The following NUDT3 variants were observed in gnomAD, a reference collection of about 807,000 sequenced individuals.
NUDT3 encodes nudix hydrolase 3.
A neutral mutation model predicts 23.6 loss-of-function variants in NUDT3; 9 were observed. The observed-to-expected ratio is 0.38, with a 90% CI of 0.23 to 0.66. The LOEUF (loss-of-function observed/expected upper bound fraction) is 0.66. Among genes scored for constraint, NUDT3 ranks in the 30% least tolerant of loss-of-function variants. NUDT3 has a pLI of 0.52. For synonymous variants in NUDT3, 86 were observed against 82.6 expected (o/e 1.04, Z -0.22); for missense variants, 172 against 218.5 (o/e 0.79, Z 1.34).
chr6:34,297,548 TTG>T (rs1561898809), intron 2 of NUDT3, among the ~76,000 whole-genome samples: 3 of 139,668 alleles, frequency 2.1e-5, no homozygotes, highest in Non-Finnish European at 3.1e-5. Flanking sequence ...AGAAAAGTCA[TTG>T]TTTTTTTTTT....
intron 2 of NUDT3, among the ~76,000 whole-genome samples, chr6:34,337,434 G>A (rs1358204590): frequency 2.0e-5 from 3 of 152,168 alleles, no homozygotes; most frequent in East Asian, 1.9e-4. Context: ...AACATGAGGA[G>A]TGTAGTTTAA....
rs1458628742 is a variant in NUDT3 at position 34,283,712 on chromosome 6, C to T, written c.*5041G>A. ...GGCAGGGTTTGTGAAAGGCTGCTGG[C>T]CTCCAAAGGAGAGTATGCCTAAACT... On this transcript the variant is annotated 3_prime_UTR_variant, in exon 5 of 5. Transcript: ENST00000607016. 6.6e-6 allele frequency: 1 copy of T among 152,204 alleles called. No individual in the cohort carries two copies. The highest frequency in any genetic ancestry group is 1.9e-4 in the East Asian group (1 of 5,196). 9.4% of individuals were successfully genotyped at this position (152,204 alleles called of 1,614,324 possible).
intron 2 of NUDT3, among the ~76,000 whole-genome samples, chr6:34,311,318 CAT>C (rs1236597772): frequency 2.6e-5 from 4 of 152,056 alleles, no homozygotes. Flanking sequence ...AAATTAAAAA[CAT>C]ATCATTTAAT....
At chr6:34,385,497 TGTTAA>T (rs1259877614) in intron 1 of NUDT3, among the ~76,000 whole-genome samples, 1 of 152,164 alleles carries the variant, frequency 6.6e-6, no homozygotes, top group Admixed American at 6.5e-5. Context: ...TTGTTTGAAT[TGTTAA>T]GTTGTCTTTC....
At position 34,348,112 on chromosome 6, in the gene NUDT3, C is replaced by CAAAACA. The variant is rs1249729515; in HGVS notation, c.100-6146_100-6141dup. 2.6e-5 allele frequency among the ~76,000 whole-genome samples: 4 copies of CAAAACA among 151,664 alleles called. No homozygotes were observed. The East Asian group carries it at 5.8e-4, about 22-fold the overall frequency. ...TCAGGAGTTCAAGACCCCGTCTCTA[C>CAAAACA]AAAACAAAAACAAAAACAAAAAAAT... On this transcript the variant is annotated intron_variant, in intron 1 of 4. Coordinates refer to ENST00000607016, the MANE Select transcript of NUDT3 (RefSeq NM_006703.4).
Position 34,373,924 on chromosome 6 carries a change from C to T in NUDT3, c.99+18340G>A, listed in dbSNP as rs1264932604. Among the ~76,000 whole-genome samples, 7 of 152,084 alleles carry T rather than the reference C, an allele frequency of 4.6e-5. No homozygotes were observed. In the East Asian group the frequency reaches 7.7e-4, roughly 17 times the overall value. On this transcript the variant is annotated intron_variant, in intron 1 of 4. Coordinates refer to ENST00000607016, the MANE Select transcript of NUDT3 (RefSeq NM_006703.4). The stretch of plus-strand genomic sequence containing the variant: ...ATCCCAGCACTTTGGGAGGCCAAGG[C>T]GGGCGGATCATCTGAGGTCAGGAGT...
chr6:34,349,446 G>A (rs1258233059), intron 1 of NUDT3, among the ~76,000 whole-genome samples: 1 of 150,586 alleles, frequency 6.6e-6, no homozygotes, highest in African/African-American at 2.5e-5. Flanking sequence ...GAACCACAGG[G>A]AGGAGTTGTG....
intron 1 of NUDT3, among the ~76,000 whole-genome samples, chr6:34,358,258 TACACACACACAC>T (rs71538235): frequency 2.6e-4 from 37 of 144,696 alleles, no homozygotes; most frequent in Admixed American, 9.0e-4. Flanking sequence ...ATGAGTAGTT[TACACACACACAC>T]ACACACACAC....
At chr6:34,328,622 A>C (rs1354212964) in intron 2 of NUDT3, among the ~76,000 whole-genome samples, 1 of 152,112 alleles carries the variant, frequency 6.6e-6, no homozygotes, top group African/African-American at 2.4e-5. Context: ...GCTAGGCTCA[A>C]GCAATCCTCC....
At chr6:34,370,415 A>C (rs1356408935) in intron 1 of NUDT3, among the ~76,000 whole-genome samples, 1 of 152,192 alleles carries the variant, frequency 6.6e-6, no homozygotes, top group Non-Finnish European at 1.5e-5. Flanking sequence ...TTCAGCGTTC[A>C]AGGCAGATGA....
At position 34,331,288 on chromosome 6, in the gene NUDT3, C is replaced by CT. The variant is rs537474751; in HGVS notation, c.210+10573dup. 2.5e-3 allele frequency among the ~76,000 whole-genome samples: 353 copies of CT among 138,654 alleles called. 1 individual carries two copies. The highest frequency in any genetic ancestry group is 0.012 in the Middle Eastern group (3 of 256). The allele number at this position is 138,654 out of a possible 152,430, so 91.0% of individuals were successfully genotyped here. A position where few individuals can be genotyped will look rare whatever the true frequency, so the allele number is the denominator to read the frequency against. ...TAAGGTATTTAGACTTTCAAACTTT[C>CT]TTTTTTTTTTTTTTTTCCAAACTTT... On this transcript the variant is annotated intron_variant, in intron 2 of 4. Transcript: ENST00000607016.
At chr6:34,382,068 ATC>A (rs1765028091) in intron 1 of NUDT3, among the ~76,000 whole-genome samples, 1 of 113,416 alleles carries the variant, frequency 8.8e-6, no homozygotes, top group Non-Finnish European at 1.8e-5. Context: ...GCGAGACTCT[ATC>A]TCAAAAAAAA....
At chr6:34,329,097 T>C (rs963797372) in intron 2 of NUDT3, among the ~76,000 whole-genome samples, 9 of 152,228 alleles carry the variant, frequency 5.9e-5, no homozygotes, top group African/African-American at 2.2e-4. Context: ...ATTTTTTAAG[T>C]GTTCTACTCT....
At chr6:34,371,696 G>A (rs1764832466) in intron 1 of NUDT3, among the ~76,000 whole-genome samples, 1 of 152,276 alleles carries the variant, frequency 6.6e-6, no homozygotes, top group South Asian at 2.1e-4. Context: ...CTGGCAAGAT[G>A]AGAATTATAA....
chr6:34,296,429 T>C (rs1380562351), intron 2 of NUDT3, among the ~76,000 whole-genome samples: 3 of 151,398 alleles, frequency 2.0e-5, no homozygotes, highest in Admixed American at 6.6e-5. Flanking sequence ...CAAAAATTAG[T>C]TGGGTGTGAT....
chr6:34,324,681 T>G (rs1417435857), intron 2 of NUDT3, among the ~76,000 whole-genome samples: 2 of 152,270 alleles, frequency 1.3e-5, no homozygotes, highest in African/African-American at 4.8e-5. Flanking sequence ...AATAACATTA[T>G]GAATACCACT....
At chr6:34,323,446 A>G (rs1177940437) in intron 2 of NUDT3, among the ~76,000 whole-genome samples, 1 of 152,116 alleles carries the variant, frequency 6.6e-6, no homozygotes, top group Non-Finnish European at 1.5e-5. Context: ...TTGTGCCTGT[A>G]GTCCCAGCTA....
At chr6:34,322,521 G>A (rs1375965320) in intron 2 of NUDT3, among the ~76,000 whole-genome samples, 6 of 152,160 alleles carry the variant, frequency 3.9e-5, no homozygotes, top group Admixed American at 1.3e-4. Flanking sequence ...GAGCCACTGC[G>A]CCCGGTCACT....
intron 1 of NUDT3, 146 bp downstream of exon 1, chr6:34,392,118 T>C (rs949523406): frequency 1.2e-5 from 7 of 604,982 alleles, no homozygotes; most frequent in Non-Finnish European, 1.7e-5. Flanking sequence ...TCCCCCTTTT[T>C]TCGCCTCAGG....
Sources: gnomAD v4.1 joint callset for allele counts (sites outside exome capture counted in the v4.1 genomes callset) on GRCh38, gnomAD v4.1.1 for gene constraint, MANE v1.5 for transcripts, NCBI Gene and HGNC (gene_info 2026-07-23, HGNC 2026-07-21) for gene names.